GALNT13: variants seen among roughly 807,000 people sequenced by gnomAD.
The protein encoded by GALNT13 is polypeptide N-acetylgalactosaminyltransferase 13, also known as UDP-GalNAc:polypeptide N-acetylgalactosaminyltransferase 13.
GALNT13 carries 28 observed loss-of-function variants against 64.2 expected under a neutral mutation model. The ratio of observed to expected loss-of-function variants is 0.44; its 90% CI spans 0.32 to 0.60. The LOEUF (loss-of-function observed/expected upper bound fraction) is 0.60, where lower values mean the gene tolerates loss of function less well. Among genes scored for constraint, GALNT13 ranks in the 20% least tolerant of loss-of-function variants. GALNT13 has a pLI of 0.05. For missense variants in GALNT13, 577 were observed against 669.8 expected, an observed-to-expected ratio of 0.86 and a Z score of 1.53; for synonymous variants, 214 against 224.6, an observed-to-expected ratio of 0.95 and a Z score of 0.42.
intron 1 of GALNT13, among the ~76,000 whole-genome samples, chr2:153,880,759 C>G: frequency 6.6e-6 from 1 of 151,900 alleles, no homozygotes; most frequent in East Asian, 1.9e-4. Context: ...TTAAGCATAC[C>G]TTTTGATTTT....
the GALNT13 span, among the ~76,000 whole-genome samples, chr2:153,082,201 TG>T: frequency 6.6e-6 from 1 of 152,156 alleles, no homozygotes; most frequent in East Asian, 1.9e-4. Flanking sequence ...AGGTGGTTTT[TG>T]GTTACATGGA....
intron 8 of GALNT13, among the ~76,000 whole-genome samples, chr2:154,267,616 A>T (rs1215549502): frequency 6.6e-6 from 1 of 152,172 alleles, no homozygotes; most frequent in African/African-American, 2.4e-5. Flanking sequence ...CTCCAGCCTG[A>T]GCAACAAAGT....
At position 154,048,916 on chromosome 2, in the gene GALNT13, C is replaced by T. The variant is rs575606814; in HGVS notation, c.143-91421C>T. Among the ~76,000 whole-genome samples, 142 of 151,844 alleles carry T rather than the reference C, an allele frequency of 9.4e-4. No homozygotes were observed. The Middle Eastern group carries it at 0.01, about 11-fold the overall frequency. On this transcript the variant is annotated intron_variant, in intron 3 of 12. Coordinates refer to ENST00000392825, the MANE Select transcript of GALNT13 (RefSeq NM_052917.4). ...AAGTATATGGATAATTTTTAAAGTA[C>T]CATAGAGGTATTTTTCTAGAGAAAT... is the stretch of plus-strand genomic sequence containing the variant.
At chr2:153,889,456 CA>C (rs1205452168) in intron 1 of GALNT13, among the ~76,000 whole-genome samples, 2 of 151,952 alleles carry the variant, frequency 1.3e-5, no homozygotes, top group Non-Finnish European at 2.9e-5. Flanking sequence ...AAAACTACTA[CA>C]TGTAGTGGGA....
the GALNT13 span, among the ~76,000 whole-genome samples, chr2:153,232,159 A>G: frequency 1.3e-5 from 2 of 152,230 alleles, no homozygotes; most frequent in African/African-American, 2.4e-5. Context: ...TCATGTGTTC[A>G]GGAATGAATA....
At chr2:153,286,236 A>T in the GALNT13 span, among the ~76,000 whole-genome samples, 2 of 152,178 alleles carry the variant, frequency 1.3e-5, no homozygotes, top group African/African-American at 4.8e-5. Flanking sequence ...AATTAGTAAC[A>T]TTTATAGTAC....
chr2:153,573,951 T>G, the GALNT13 span, among the ~76,000 whole-genome samples: 1 of 152,096 alleles, frequency 6.6e-6, no homozygotes. Context: ...TACCTTCAGG[T>G]GATTATTTAT....
At chr2:153,687,984 G>A in the GALNT13 span, among the ~76,000 whole-genome samples, 65,263 of 151,684 alleles carry the variant, frequency 0.43, 14,343 homozygotes, top group Admixed American at 0.49. Context: ...AGTAAATACT[G>A]GCATTAACCT....
At chr2:153,642,895 CT>C in the GALNT13 span, among the ~76,000 whole-genome samples, 1 of 151,394 alleles carries the variant, frequency 6.6e-6, no homozygotes, top group East Asian at 1.9e-4. Context: ...TATATTAGGA[CT>C]TGAAACATAT....
At chr2:153,288,378 T>TA in the GALNT13 span, among the ~76,000 whole-genome samples, 1 of 152,238 alleles carries the variant, frequency 6.6e-6, no homozygotes, top group Admixed American at 6.5e-5. Flanking sequence ...CTGCTTTAGA[T>TA]ACCTGTGGTA....
chr2:154,288,418 C>T (rs1692403746), intron 8 of GALNT13, among the ~76,000 whole-genome samples: 1 of 152,114 alleles, frequency 6.6e-6, no homozygotes, highest in South Asian at 2.1e-4. Flanking sequence ...CAAAACCAAT[C>T]ATGCCTTCCC....
the GALNT13 span, among the ~76,000 whole-genome samples, chr2:153,732,511 C>G: frequency 5.9e-5 from 9 of 152,058 alleles, no homozygotes; most frequent in East Asian, 9.7e-4. Flanking sequence ...AGTTTTTGTA[C>G]TGTAATATAA....
At chr2:154,143,646 A>C (rs1683393748) in intron 4 of GALNT13, among the ~76,000 whole-genome samples, 1 of 151,734 alleles carries the variant, frequency 6.6e-6, no homozygotes. Context: ...AGATCACCTG[A>C]AGTCACGGGT....
the GALNT13 span, among the ~76,000 whole-genome samples, chr2:153,253,663 G>A: frequency 9.7e-3 from 1,464 of 151,036 alleles, 18 homozygotes; most frequent in African/African-American, 0.032. Flanking sequence ...AATTTATTGA[G>A]AGTTTTTAGC....
chr2:153,160,441 A>T, the GALNT13 span, among the ~76,000 whole-genome samples: 1 of 151,496 alleles, frequency 6.6e-6, no homozygotes, highest in African/African-American at 2.4e-5. Context: ...CTCAACAAAC[A>T]TTTTTTTTTC....
chr2:153,621,033 T>C, the GALNT13 span, among the ~76,000 whole-genome samples: 1 of 152,100 alleles, frequency 6.6e-6, no homozygotes, highest in Admixed American at 6.6e-5. Context: ...TTGATGGTCT[T>C]AGACAAGATC....
At chr2:153,392,812 C>A in the GALNT13 span, among the ~76,000 whole-genome samples, 6 of 151,976 alleles carry the variant, frequency 3.9e-5, no homozygotes, top group African/African-American at 1.4e-4. Context: ...AACTTAATCT[C>A]CAATGCAATC....
chr2:154,356,178 C>A (rs1467926583), intron 9 of GALNT13, among the ~76,000 whole-genome samples: 1 of 151,886 alleles, frequency 6.6e-6, no homozygotes, highest in Non-Finnish European at 1.5e-5. Context: ...TACAGATTTG[C>A]CCATTAGCTT....
the GALNT13 span, among the ~76,000 whole-genome samples, chr2:153,137,974 T>C: frequency 6.6e-6 from 1 of 152,112 alleles, no homozygotes; most frequent in East Asian, 1.9e-4. Flanking sequence ...TTATTCTCTG[T>C]GGTGCTTCCT....
Sources: gnomAD v4.1 joint callset for allele counts (sites outside exome capture counted in the v4.1 genomes callset) on GRCh38, gnomAD v4.1.1 for gene constraint, MANE v1.5 for transcripts, NCBI Gene and HGNC (gene_info 2026-07-23, HGNC 2026-07-21) for gene names.